The following RPS6KA6 variants were observed in gnomAD, a reference collection of about 807,000 sequenced individuals.
The protein encoded by RPS6KA6 is ribosomal protein S6 kinase alpha-6.
In RPS6KA6, 27 loss-of-function variants were observed where a neutral mutation model predicts 65.4. That is an observed-to-expected ratio of 0.41 (90% CI 0.30 to 0.57). The LOEUF is 0.57. RPS6KA6 is among the 20% of genes least tolerant of loss of function. The probability of loss-of-function intolerance (pLI) is 0.24; values close to 1 mark genes in which losing one functional copy is unlikely to be tolerated. For missense variants in RPS6KA6, 486 were observed against 555.6 expected, an observed-to-expected ratio of 0.87 and a Z score of 1.26; for synonymous variants, 190 against 184.2, an observed-to-expected ratio of 1.03 and a Z score of -0.26.
At chrX:84,172,286 T>G (rs1342759577) in intron 1 of RPS6KA6, among the ~76,000 whole-genome samples, 2 of 111,961 alleles carry the variant, frequency 1.8e-5, no homozygotes, top group African/African-American at 6.5e-5. Context: ...AAATGGTATT[T>G]CTGGTCCTAG....
At chrX:84,162,798 A>G (rs1961904208) in intron 2 of RPS6KA6, among the ~76,000 whole-genome samples, 1 of 111,933 alleles carries the variant, frequency 8.9e-6, no homozygotes, top group Non-Finnish European at 1.9e-5. Context: ...GGCAACATTA[A>G]TATTACTATG....
intron 11 of RPS6KA6, among the ~76,000 whole-genome samples, 159 bp downstream of exon 11, chrX:84,116,901 T>C (rs1474618306): frequency 2.7e-5 from 3 of 111,958 alleles, no homozygotes; most frequent in South Asian, 7.3e-4. Context: ...TTTTAAATCA[T>C]GGACATAACA....
At chrX:84,140,750 A>ACC (rs2035082959) in intron 6 of RPS6KA6, among the ~76,000 whole-genome samples, 1 of 97,197 alleles carries the variant, frequency 1.0e-5, no homozygotes, top group Admixed American at 1.2e-4. Context: ...AAAAAAAAAA[A>ACC]AAACATACAT....
intron 6 of RPS6KA6, among the ~76,000 whole-genome samples, chrX:84,142,162 C>T (rs1353478921): frequency 1.8e-5 from 2 of 111,281 alleles, no homozygotes; most frequent in Non-Finnish European, 3.8e-5. Context: ...TAAAGTCATA[C>T]AAAGTATGCT....
chrX:84,095,023 A>C (rs773881701), intron 20 of RPS6KA6, among the ~76,000 whole-genome samples: 8 of 112,151 alleles, frequency 7.1e-5, no homozygotes, highest in Non-Finnish European at 1.3e-4. Flanking sequence ...AAGGAACCAA[A>C]GAAAGATTAG....
chrX:84,125,175 AAAGT>A (rs1465839661), intron 8 of RPS6KA6, among the ~76,000 whole-genome samples: 2 of 112,078 alleles, frequency 1.8e-5, no homozygotes, highest in Non-Finnish European at 3.8e-5. Flanking sequence ...ATCTGAAAGA[AAAGT>A]ATGTAATAAG....
At position 84,114,731 on chromosome X, in the gene RPS6KA6, A is replaced by C. The variant is rs751315131; in HGVS notation, c.1008+1498T>G. 4.5e-5 allele frequency among the ~76,000 whole-genome samples: 5 copies of C among 112,035 alleles called. No individual in the cohort carries two copies. In the East Asian group the frequency reaches 1.4e-3, roughly 31 times the overall value. On this transcript the variant is annotated intron_variant, in intron 12 of 21. Transcript: ENST00000262752. ...TTATACTACAAGGCTATAGTAACTA[A>C]AACAGCAGAGTACTTGTACAAAAAT...
intron 1 of RPS6KA6, among the ~76,000 whole-genome samples, chrX:84,175,929 T>C: frequency 9.0e-6 from 1 of 111,077 alleles, no homozygotes; most frequent in Non-Finnish European, 1.9e-5. Context: ...GGTGAGTGCA[T>C]GCAAAATAAT....
At chrX:84,067,109 C>T (rs145376023) in intron 20 of RPS6KA6, among the ~76,000 whole-genome samples, 1,195 of 111,963 alleles carry the variant, frequency 0.011, 19 homozygotes, top group African/African-American at 0.034. Context: ...CACACAAAAA[C>T]TCCATATAAA....
At chrX:84,172,214 T>A (rs1170074099) in intron 1 of RPS6KA6, among the ~76,000 whole-genome samples, 2 of 112,025 alleles carry the variant, frequency 1.8e-5, no homozygotes, top group Non-Finnish European at 3.8e-5. Context: ...TGTGCATGTG[T>A]CTTTATATTA....
At chrX:84,096,638 T>C (rs1298863820) in intron 19 of RPS6KA6, among the ~76,000 whole-genome samples, 2 of 111,736 alleles carry the variant, frequency 1.8e-5, no homozygotes, top group East Asian at 2.8e-4. Flanking sequence ...ATTCAAGGCA[T>C]AGGTTAGCAA....
intron 1 of RPS6KA6, among the ~76,000 whole-genome samples, chrX:84,165,986 A>G (rs888737673): frequency 8.9e-6 from 1 of 112,061 alleles, no homozygotes; most frequent in Non-Finnish European, 1.9e-5. Flanking sequence ...TCTGTGTATG[A>G]ACCAACACAA....
intron 18 of RPS6KA6, among the ~76,000 whole-genome samples, chrX:84,100,486 T>C (rs1002812731): frequency 9.0e-6 from 1 of 111,465 alleles, no homozygotes; most frequent in African/African-American, 3.2e-5. Context: ...GTTGCCATAA[T>C]ACTAAGTAGT....
intron 12 of RPS6KA6, among the ~76,000 whole-genome samples, chrX:84,115,781 G>T (rs747589323): frequency 1.8e-5 from 2 of 111,771 alleles, no homozygotes; most frequent in South Asian, 7.4e-4. Flanking sequence ...CCATAAGAAA[G>T]AATAAAATCA....
intron 1 of RPS6KA6, among the ~76,000 whole-genome samples, chrX:84,183,154 G>A (rs2035882253): frequency 9.0e-6 from 1 of 111,440 alleles, no homozygotes. Flanking sequence ...TATTAGTCTG[G>A]TGGCTAATAC....
At chrX:84,163,449 C>T (rs1687151064) in intron 2 of RPS6KA6, among the ~76,000 whole-genome samples, 1 of 106,465 alleles carries the variant, frequency 9.4e-6, no homozygotes, top group African/African-American at 3.4e-5. Flanking sequence ...ACCATCCTGG[C>T]TAACAAGGTG....
rs2033833797 is a variant in RPS6KA6, at chrX:84,082,897, C to A, written c.1971+13297G>T. The stretch of plus-strand genomic sequence containing the variant: ...ATTAAAAAATCTGGCTAGCCATATG[C>A]AGAAAACTGAAACTGGATCCCTTCC... On this transcript the variant is annotated intron_variant, in intron 20 of 21. Transcript: ENST00000262752. Among the ~76,000 whole-genome samples, 7 of 112,064 alleles carry A rather than the reference C, an allele frequency of 6.2e-5. No individual in the cohort carries two copies. In the South Asian group the frequency reaches 2.6e-3, roughly 42 times the overall value.
chrX:84,157,924 T>C (rs2035443248), intron 2 of RPS6KA6, among the ~76,000 whole-genome samples: 1 of 109,547 alleles, frequency 9.1e-6, no homozygotes. Context: ...TCTTTCAATT[T>C]TCAGCAGCAG....
intron 6 of RPS6KA6, among the ~76,000 whole-genome samples, chrX:84,138,640 C>G (rs1332379544): frequency 8.9e-6 from 1 of 112,398 alleles, no homozygotes; most frequent in Non-Finnish European, 1.9e-5. Context: ...ATCAAACAAA[C>G]AAAAATCCCT....
Sources: allele counts gnomAD v4.1 joint callset (sites outside exome capture counted in the v4.1 genomes callset), GRCh38; gene constraint gnomAD v4.1.1; transcripts MANE v1.5; gene names NCBI Gene and HGNC (gene_info 2026-07-23, HGNC 2026-07-21).